GRAP2: variants seen among roughly 807,000 people sequenced by gnomAD.
GRAP2 encodes GRB2-related adapter protein 2.
In GRAP2, 31 loss-of-function variants were observed where a neutral mutation model predicts 43.5. That is an observed-to-expected ratio of 0.71 (90% confidence interval 0.54 to 0.96). The LOEUF (loss-of-function observed/expected upper bound fraction) is 0.96. GRAP2 is among the 40% of genes least tolerant of loss of function. The pLI is 0.00. For synonymous variants in GRAP2, 156 were observed against 164.8 expected, an observed-to-expected ratio of 0.95 and a Z score of 0.41; for missense variants, 371 against 424.4, an observed-to-expected ratio of 0.87 and a Z score of 1.11.
At chr22:39,904,259 G>A (rs796700220) in intron 1 of GRAP2, among the ~76,000 whole-genome samples, 4 of 152,236 alleles carry the variant, frequency 2.6e-5, no homozygotes, top group African/African-American at 9.6e-5. Flanking sequence ...ATGATGGCAG[G>A]CGCCTGTAAT....
At chr22:39,913,192 CAA>C (rs397868164) in intron 1 of GRAP2, among the ~76,000 whole-genome samples, 52 of 62,328 alleles carry the variant, frequency 8.3e-4, no homozygotes, top group African/African-American at 3.3e-3. Context: ...GACTCCATCT[CAA>C]AAAAAAAAAA....
intron 1 of GRAP2, among the ~76,000 whole-genome samples, chr22:39,913,468 C>T (rs1232627461): frequency 6.6e-6 from 1 of 152,128 alleles, no homozygotes; most frequent in African/African-American, 2.4e-5. Context: ...AGAACTGGGG[C>T]GCCTCAGAGC....
intron 7 of GRAP2, 63 bp from the exon 8 acceptor site, chr22:39,970,842 A>C (rs2067233451): frequency 7.2e-7 from 1 of 1,385,592 alleles, no homozygotes; most frequent in Admixed American, 2.3e-5. Context: ...AGGAGCCAGC[A>C]GACCCTCCCC....
intron 1 of GRAP2, among the ~76,000 whole-genome samples, chr22:39,908,187 T>C (rs2066536019): frequency 6.6e-6 from 1 of 152,236 alleles, no homozygotes; most frequent in Non-Finnish European, 1.5e-5. Context: ...CAGAGGGAAA[T>C]GACCTTTTCT....
intron 4 of GRAP2, chr22:39,964,594 G>T (rs973443145): frequency 9.1e-6 from 7 of 769,854 alleles, no homozygotes; most frequent in South Asian, 8.6e-5. Context: ...CTAAGGAGAC[G>T]GTGACCCTTT....
intron 1 of GRAP2, among the ~76,000 whole-genome samples, chr22:39,910,448 G>A (rs184351816): frequency 1.3e-4 from 19 of 150,508 alleles, no homozygotes; most frequent in Admixed American, 1.1e-3. Flanking sequence ...TCGCTCTGTC[G>A]CCCAGGCTGG....
intron 2 of GRAP2, 120 bp downstream of exon 2, chr22:39,947,304 T>C (rs2066933268): frequency 1.4e-6 from 1 of 722,600 alleles, no homozygotes; most frequent in Non-Finnish European, 2.6e-6. Context: ...GAAGTTCACC[T>C]TGATTCCCTT....
chr22:39,896,755 T>A (rs1210319323), upstream of GRAP2, among the ~76,000 whole-genome samples: 1 of 152,210 alleles, frequency 6.6e-6, no homozygotes, highest in African/African-American at 2.4e-5. Flanking sequence ...TGACAATATG[T>A]AAGGGGTCCT....
At chr22:39,956,156 C>CTT (rs546003024) in intron 3 of GRAP2, among the ~76,000 whole-genome samples, 11 of 138,004 alleles carry the variant, frequency 8.0e-5, no homozygotes, top group East Asian at 6.2e-4. Flanking sequence ...TTGTTCTTAA[C>CTT]TTTTTTTTTT....
At chr22:39,930,593 T>C (rs528044834) in intron 1 of GRAP2, among the ~76,000 whole-genome samples, 1 of 152,358 alleles carries the variant, frequency 6.6e-6, no homozygotes, top group African/African-American at 2.4e-5. Flanking sequence ...ACTACTGCGA[T>C]GCTTTCTCCA....
intron 4 of GRAP2, chr22:39,960,953 CTTTTTTTTTTTTT>C (rs138001): frequency 7.6e-6 from 1 of 131,060 alleles, no homozygotes; most frequent in Admixed American, 7.9e-5. Flanking sequence ...CCCAAGTCTT[CTTTTTTTTTTTTT>C]TTTTTGGAGA....
At chr22:39,896,018 A>G in the GRAP2 span, among the ~76,000 whole-genome samples, 3 of 152,164 alleles carry the variant, frequency 2.0e-5, no homozygotes, top group Admixed American at 1.3e-4. Context: ...CCAAGGACCA[A>G]TCTTTGGTCC....
chr22:39,946,958 C>T, intron 1 of GRAP2, 135 bp from the exon 2 acceptor site: 1 of 654,108 alleles, frequency 1.5e-6, no homozygotes. Context: ...TGTTGTGTGC[C>T]TGAGCCTTGC....
At chr22:39,967,965 C>T in intron 5 of GRAP2, 77 bp from the exon 6 acceptor site, 9 of 1,531,290 alleles carry the variant, frequency 5.9e-6, no homozygotes, top group Non-Finnish European at 7.9e-6. Context: ...GGTCTGGGAA[C>T]AACTGCCCGA....
At chr22:39,962,604 T>C (rs528014956) in intron 4 of GRAP2, among the ~76,000 whole-genome samples, 1 of 152,182 alleles carries the variant, frequency 6.6e-6, no homozygotes, top group East Asian at 1.9e-4. Context: ...CTCTTGGGCC[T>C]TTGGTTTGCA....
At chr22:39,939,036 A>C (rs933342171) in intron 1 of GRAP2, among the ~76,000 whole-genome samples, 2 of 152,188 alleles carry the variant, frequency 1.3e-5, no homozygotes, top group Non-Finnish European at 2.9e-5. Flanking sequence ...ACAAGAGAAA[A>C]ACAAAAATGC....
At chr22:39,944,956 G>A (rs753296458) in intron 1 of GRAP2, among the ~76,000 whole-genome samples, 20 of 152,134 alleles carry the variant, frequency 1.3e-4, no homozygotes, top group African/African-American at 2.7e-4. Context: ...CCCACGAGGC[G>A]ACCACTGTCT....
chr22:39,959,667 C>G (rs2067095287), intron 3 of GRAP2, among the ~76,000 whole-genome samples: 1 of 152,198 alleles, frequency 6.6e-6, no homozygotes, highest in South Asian at 2.1e-4. Context: ...CTGAAGCCTT[C>G]CCTTCCCTCC....
intron 1 of GRAP2, among the ~76,000 whole-genome samples, chr22:39,920,348 A>G (rs1039888444): frequency 2.0e-5 from 3 of 152,218 alleles, no homozygotes; most frequent in African/African-American, 7.2e-5. Context: ...GTTATGCCCA[A>G]TGTGTGAACT....
Sources: allele counts gnomAD v4.1 joint callset (sites outside exome capture counted in the v4.1 genomes callset), GRCh38; gene constraint gnomAD v4.1.1; transcripts MANE v1.5; gene names NCBI Gene and HGNC (gene_info 2026-07-23, HGNC 2026-07-21).